Variants in MS4A6A observed in about 807,000 individuals in gnomAD.
MS4A6A encodes membrane-spanning 4-domains subfamily A member 6A.
In MS4A6A, 19 loss-of-function variants were observed where a neutral mutation model predicts 20.6. That is an observed-to-expected ratio of 0.92 (90% CI 0.64 to 1.36). MS4A6A has a LOEUF of 1.36. MS4A6A is among the 40% of genes most tolerant of loss of function. MS4A6A has a pLI of 0.00. For synonymous variants in MS4A6A, 108 were observed against 105.0 expected, an observed-to-expected ratio of 1.03 and a Z score of -0.17; for missense variants, 272 against 261.1, an observed-to-expected ratio of 1.04 and a Z score of -0.29.
At chr11:60,173,198 T>C in intron 5 of MS4A6A, 69 bp from the exon 6 acceptor site, 1 of 1,403,946 alleles carries the variant, frequency 7.1e-7, no homozygotes, top group Non-Finnish European at 1.0e-6. Context: ...AGTTGAGAGG[T>C]GACCATAGAG....
At chr11:60,174,626 C>T (rs1189397580) in intron 5 of MS4A6A, among the ~76,000 whole-genome samples, 4 of 152,068 alleles carry the variant, frequency 2.6e-5, no homozygotes, top group African/African-American at 9.7e-5. Flanking sequence ...CCCAGCCGTC[C>T]CTTTACTCTT....
upstream of MS4A6A, chr11:60,184,212 T>C (rs2083862583): frequency 6.6e-6 from 1 of 152,252 alleles, no homozygotes; most frequent in African/African-American, 2.4e-5. Context: ...ACAGACATTA[T>C]GAAATGTAAT....
upstream of MS4A6A, chr11:60,184,285 G>A (rs2083864242): frequency 6.6e-6 from 1 of 152,206 alleles, no homozygotes; most frequent in African/African-American, 2.4e-5. Flanking sequence ...AGAAAGCCTG[G>A]GGAGAGGGGC....
intron 2 of MS4A6A, chr11:60,180,883 A>T (rs1279885606): frequency 2.7e-6 from 1 of 365,134 alleles, no homozygotes; most frequent in Non-Finnish European, 5.3e-6. Context: ...ACCTTATGTC[A>T]CATGAGCCTC....
In MS4A6A at chr11:60,182,985, C is replaced by T. The variant is rs1441590427; in HGVS notation, c.-22G>A. The stretch of plus-strand genomic sequence containing the variant: ...TCTTCCAGCATTACCTACCTGTGCC[C>T]GTTGGTTCCAGCTGAGTCCTCAGAA... On this transcript the variant is annotated 5_prime_UTR_variant, in exon 1 of 6. Coordinates refer to ENST00000528851, the MANE Select transcript of MS4A6A (RefSeq NM_022349.4). 3.6e-5 allele frequency: 50 copies of T among 1,379,176 alleles called. No individual in the cohort carries two copies. The highest frequency in any genetic ancestry group is 7.0e-5 in the Admixed American group (2 of 28,544). The allele number at this position is 1,379,176 out of a possible 1,614,324, so 85.4% of individuals were successfully genotyped here.
chr11:60,175,713 G>T lies in MS4A6A; in HGVS notation c.340-102C>A, dbSNP rs1019828036. 18 of 1,233,530 alleles carry T rather than the reference G, an allele frequency of 1.5e-5. No individual in the cohort carries two copies. The African/African-American group carries it at 2.7e-4, about 18-fold the overall frequency. The allele number at this position is 1,233,530 out of a possible 1,614,324, so 76.4% of individuals were successfully genotyped here. A position where few individuals can be genotyped will look rare whatever the true frequency, so the allele number is the denominator to read the frequency against. On this transcript the variant is annotated intron_variant, in intron 4 of 5. Coordinates refer to ENST00000528851, the MANE Select transcript of MS4A6A (RefSeq NM_022349.4). ...AGTTATTCCCTTATCTGTCCCCTCA[G>T]GAGGTCTGGGATTGATCATTTATTG... is the stretch of plus-strand genomic sequence containing the variant.
chr11:60,179,745 A>G, intron 3 of MS4A6A, 86 bp downstream of exon 3: 1 of 1,491,536 alleles, frequency 6.7e-7, no homozygotes, highest in African/African-American at 1.4e-5. Flanking sequence ...GATCAAACAT[A>G]GCAAGCTGGC....
chr11:60,172,495 G>C, downstream of MS4A6A: 2 of 1,213,584 alleles, frequency 1.6e-6, no homozygotes, highest in Non-Finnish European at 2.1e-6. Flanking sequence ...AGTCCATAGG[G>C]GTTTGATTCA....
chr11:60,183,779 T>C (rs1000547958), upstream of MS4A6A: 2 of 152,376 alleles, frequency 1.3e-5, no homozygotes, highest in Non-Finnish European at 2.9e-5. Flanking sequence ...ATCTTTGCCC[T>C]CCAGAAAGGT....
In MS4A6A at chr11:60,181,695, G is replaced by C. The variant is rs1857144879; in HGVS notation, c.33C>G (p.Ile11Met). MTSQPVPNET[I>M]IVLPSNVINF... ...TGATGACATTTGATGGGAGCACTAT[G>C]ATGGTCTCATTGGGAACAGGTTGTG... Residue 11 changes from isoleucine to methionine, a missense_variant, in exon 2 of 6, where the codon ATC (isoleucine) becomes ATG (methionine). Coordinates refer to ENST00000528851, the MANE Select transcript of MS4A6A (RefSeq NM_022349.4). 1 of 1,613,998 alleles carries C rather than the reference G, an allele frequency of 6.2e-7. No homozygotes were observed. Among genetic ancestry groups the C allele is most frequent in the African/African-American group, 1.3e-5 (1 of 74,918 alleles).
chr11:60,181,153 G>T, intron 2 of MS4A6A: 1 of 418,488 alleles, frequency 2.4e-6, no homozygotes, highest in Non-Finnish European at 4.7e-6. Flanking sequence ...TCTCAAAAAC[G>T]TTAGGAGAAA....
At position 60,177,794 on chromosome 11, in the gene MS4A6A, T is replaced by C. The variant is rs75856469; in HGVS notation, c.339+466A>G. 5.6e-3 allele frequency among the ~76,000 whole-genome samples: 852 copies of C among 152,276 alleles called. 7 individuals carry two copies. Among genetic ancestry groups the C allele is most frequent in the African/African-American group, 0.019 (779 of 41,548 alleles). ...CATCAGGCCTAAATGTAATGTAGTA[T>C]ACTGTAGTAGCCTCTGTGTCTACTT... is the stretch of plus-strand genomic sequence containing the variant. On this transcript the variant is annotated intron_variant, in intron 4 of 5. Transcript: ENST00000528851.
At position 60,179,519 on chromosome 11, in the gene MS4A6A, C is replaced by T. The variant is rs564954979; in HGVS notation, c.282+312G>A. 129 of 571,094 alleles carry T rather than the reference C, an allele frequency of 2.3e-4. 1 individual carries two copies. In the South Asian group the frequency reaches 2.9e-3, roughly 13 times the overall value. The allele number at this position is 571,094 out of a possible 1,614,324, so 35.4% of individuals were successfully genotyped here. On this transcript the variant is annotated intron_variant, in intron 3 of 5. Coordinates refer to ENST00000528851, the MANE Select transcript of MS4A6A (RefSeq NM_022349.4). ...TTTTTTTTTGTATAAAATGTTCCTTCCCAACTTTATCCTAATTCATGGATT... is the reference window on the plus strand; with the variant it reads ...TTTTTTTTTGTATAAAATGTTCCTTTCCAACTTTATCCTAATTCATGGATT...
At chr11:60,172,030 G>A (rs540031377), downstream of MS4A6A, 4 of 886,338 alleles carry the variant, frequency 4.5e-6, no homozygotes, top group African/African-American at 1.7e-5. Context: ...TGAAATAATG[G>A]TTTTTTTTAA....
intron 2 of MS4A6A, chr11:60,180,945 C>G (rs969173833): frequency 5.1e-5 from 22 of 429,406 alleles, no homozygotes; most frequent in African/African-American, 4.1e-4. Context: ...CCCACCAGGT[C>G]CTGAAATCCA....
Position 60,172,814 on chromosome 11 carries a change from T to C in MS4A6A, c.*187A>G. The C allele has an allele frequency of 1.4e-6, 2 of 1,381,974 alleles. No homozygotes were observed. Among genetic ancestry groups the C allele is most frequent in the Non-Finnish European group, 1.9e-6 (2 of 1,063,920 alleles). 85.6% of individuals were successfully genotyped at this position (1,381,974 alleles called of 1,614,324 possible). A position where few individuals can be genotyped will look rare whatever the true frequency, so the allele number is the denominator to read the frequency against. ...GATTGAATCAGTTGATTTCTCATGA[T>C]TAACTATTTTCATATCCAGTGAATT... On this transcript the variant is annotated 3_prime_UTR_variant, in exon 6 of 6. Transcript: ENST00000528851.
At position 60,172,576 on chromosome 11, in the gene MS4A6A, T is replaced by G; in HGVS notation, c.*425A>C. The G allele has an allele frequency of 2.7e-6, 3 of 1,131,566 alleles. No homozygotes were observed. Among genetic ancestry groups the G allele is most frequent in the Non-Finnish European group, 3.3e-6 (3 of 920,002 alleles). 70.1% of individuals were successfully genotyped at this position (1,131,566 alleles called of 1,614,324 possible). A position where few individuals can be genotyped will look rare whatever the true frequency, so the allele number is the denominator to read the frequency against. On this transcript the variant is annotated 3_prime_UTR_variant, in exon 6 of 6. Transcript: ENST00000528851. ...GATCACCAGGGGCAAATGCAGAGCA[T>G]AAGACATTCACTGGATCCAGTTACG...
Position 60,175,544 on chromosome 11 carries a change from G to C in MS4A6A, c.407C>G (p.Ser136Cys), listed in dbSNP as rs1856791527. 6.2e-7 allele frequency: 1 copy of C among 1,614,114 alleles called. No homozygotes were observed. Among genetic ancestry groups the C allele is most frequent in the Admixed American group, 1.7e-5 (1 of 60,022 alleles). Residue 136 changes from serine to cysteine, a missense_variant, in exon 5 of 6, where the codon TCT (serine) becomes TGT (cysteine). By Grantham distance (112) the Ser-to-Cys change is moderately radical (BLOSUM62 -1). Coordinates refer to ENST00000528851, the MANE Select transcript of MS4A6A (RefSeq NM_022349.4). ...LSALVGFIILSVKQATLNPAS... is the reference protein window; with the variant it reads ...LSALVGFIILCVKQATLNPAS... ...AGGATTTAAGGTGGCCTGTTTGACA[G>C]ACAGGATAATGAAACCCACCAGGGC...
Position 60,181,798 on chromosome 11 carries a change from C to T in MS4A6A, c.-14-57G>A. ...AAAGTACAGAGCTCCCAGGTTCTGA[C>T]TCCAAAAACAGTAACTCAGTCTTTG... is the stretch of plus-strand genomic sequence containing the variant. On this transcript the variant is annotated intron_variant, in intron 1 of 5. Transcript: ENST00000528851. The T allele has an allele frequency of 5.1e-6, 8 of 1,554,440 alleles. No homozygotes were observed. The South Asian group carries it at 9.1e-5, about 18-fold the overall frequency.
Sources: allele counts gnomAD v4.1 joint callset (sites outside exome capture counted in the v4.1 genomes callset), GRCh38; gene constraint gnomAD v4.1.1; transcripts MANE v1.5; gene names NCBI Gene and HGNC (gene_info 2026-07-23, HGNC 2026-07-21).